TNPO2: variants seen among roughly 807,000 people sequenced by gnomAD.
TNPO2 encodes the protein transportin 2, also known as transportin-2.
A neutral mutation model predicts 111.1 loss-of-function variants in TNPO2; 16 were observed. That is an observed-to-expected ratio of 0.14 (90% CI 0.10 to 0.22). The LOEUF is 0.22. TNPO2 is among the 10% of genes least tolerant of loss of function. The probability of loss-of-function intolerance (pLI) is 1.00; values close to 1 mark genes in which losing one functional copy is unlikely to be tolerated. For missense variants in TNPO2, 530 were observed against 1,173.7 expected, an observed-to-expected ratio of 0.45 and a Z score of 8.01; for synonymous variants, 481 against 475.8, an observed-to-expected ratio of 1.01 and a Z score of -0.14.
At chr19:12,722,765 T>C (rs768446744) in intron 2 of TNPO2, among the ~76,000 whole-genome samples, 3 of 152,084 alleles carry the variant, frequency 2.0e-5, no homozygotes, top group Admixed American at 2.0e-4. Flanking sequence ...TTGCCGTTTC[T>C]TTGGCCTCTC....
intron 10 of TNPO2, among the ~76,000 whole-genome samples, chr19:12,714,426 C>T (rs2026249734): frequency 6.6e-6 from 1 of 151,726 alleles, no homozygotes; most frequent in South Asian, 2.1e-4. Context: ...AATTCTCCTG[C>T]CTCACCCTCC....
chr19:12,706,731 C>T lies in TNPO2; in HGVS notation c.1335G>A (p.Ser445=), dbSNP rs368243017. 41 of 1,613,424 alleles carry T rather than the reference C, an allele frequency of 2.5e-5. No homozygotes were observed. Among genetic ancestry groups the T allele is most frequent in the East Asian group, 4.5e-5 (2 of 44,882 alleles). Residue 445 remains serine (S), a synonymous_variant, in exon 14 of 26, where the codon TCG becomes TCA. Coordinates refer to ENST00000425528, the MANE Select transcript of TNPO2 (RefSeq NM_001382241.1). This position sits in a 1 kb window ranked among gnomAD's most constrained non-coding sequence, Gnocchi z 7.0. ...ELIPHLIQCL[S]DKKALVRSIA... is the part of the protein sequence containing the mutation. ...TGGAGCGGACCAAGGCCTTCTTATC[C>T]GACAGGCACTGGATCAGGTGCGGGA...
rs1455785306 is a variant in TNPO2, at chr19:12,705,199, C to A, written c.2022+41G>T. On this transcript the variant is annotated intron_variant, in intron 18 of 25. Transcript: ENST00000425528. This position sits in a 1 kb window ranked among gnomAD's most constrained non-coding sequence, Gnocchi z 7.2. ...GACTCCCCACCAGGGGCAGCCCACG[C>A]AGGCTGCTGGGTGTCATCACTGTCC... 3.2e-6 allele frequency: 5 copies of A among 1,567,806 alleles called. No individual in the cohort carries two copies. The highest frequency in any genetic ancestry group is 4.3e-6 in the Non-Finnish European group (5 of 1,154,406).
chr19:12,718,986 G>A (rs757034688), intron 5 of TNPO2, 43 bp downstream of exon 5: 1 of 1,608,680 alleles, frequency 6.2e-7, no homozygotes, highest in South Asian at 1.1e-5. Flanking sequence ...AGAAGTGAGA[G>A]TTCAGTGTGT....
In TNPO2 at chr19:12,706,782, G is replaced by T; in HGVS notation, c.1284C>A (p.Gly428=). Reference sequence around the variant, plus strand: ...TCAGCTCAGGCAGGTAGGGCACCATGCCCTGCATGCAGCCTACAAGGAAAG... The same window carrying T: ...TCAGCTCAGGCAGGTAGGGCACCATTCCCTGCATGCAGCCTACAAGGAAAG... The part of the protein sequence containing the change: ...LGAIAEGCMQ[G]MVPYLPELIP... The change falls in exon 14 of 26, where the codon GGC becomes GGA. Residue 428 remains glycine (G), a synonymous_variant. Transcript: ENST00000425528. This position sits in a 1 kb window ranked among gnomAD's most constrained non-coding sequence, Gnocchi z 7.0. The T allele has an allele frequency of 6.2e-7, 1 of 1,608,016 alleles. No individual in the cohort carries two copies. Among genetic ancestry groups the T allele is most frequent in the Non-Finnish European group, 8.5e-7 (1 of 1,177,328 alleles).
rs1439389001 is a variant in TNPO2, at chr19:12,706,039, C to G, written c.1668+157G>C. On this transcript the variant is annotated intron_variant, in intron 15 of 25. Transcript: ENST00000425528. The surrounding 1 kb of genome is among the most constrained non-coding windows in gnomAD (Gnocchi z 7.0). The stretch of plus-strand genomic sequence containing the variant: ...CTGTCTCATAACTGTCTTTCTCCCC[C>G]ACTAGACTGGGAGCAGGGCGAGGGC... 6.1e-6 allele frequency: 5 copies of G among 823,526 alleles called. No homozygotes were observed. The Admixed American group carries it at 1.1e-4, about 18-fold the overall frequency. The allele number at this position is 823,526 out of a possible 1,614,324, so 51.0% of individuals were successfully genotyped here.
At chr19:12,711,056 G>C (rs1447844476) in intron 12 of TNPO2, among the ~76,000 whole-genome samples, 1 of 152,084 alleles carries the variant, frequency 6.6e-6, no homozygotes, top group Non-Finnish European at 1.5e-5. Flanking sequence ...CACCACGCCC[G>C]ACTAATTTTT....
In TNPO2 at chr19:12,703,733, G is replaced by T; in HGVS notation, c.2091C>A (p.Ile697=). The part of the protein sequence containing the change: ...LLGDLTKACF[I]HVKPCIAEFM... ...TCGTACCGATACAGGGCTTGACATG[G>T]ATGAAGCAGGCTTTGGTGAGGTCTC... Residue 697 remains isoleucine, a synonymous_variant, in exon 19 of 26, where the codon ATC becomes ATA. Coordinates refer to ENST00000425528, the MANE Select transcript of TNPO2 (RefSeq NM_001382241.1). 2 of 1,608,486 alleles carry T rather than the reference G, an allele frequency of 1.2e-6. No homozygotes were observed. The highest frequency in any genetic ancestry group is 1.7e-6 in the Non-Finnish European group (2 of 1,177,452).
chr19:12,713,985 T>A (rs1048745673), intron 10 of TNPO2, among the ~76,000 whole-genome samples: 7 of 152,108 alleles, frequency 4.6e-5, no homozygotes, highest in African/African-American at 1.7e-4. Flanking sequence ...GCCATGATTT[T>A]GACACTCCAC....
At chr19:12,714,718 A>G (rs1337305932) in intron 10 of TNPO2, 103 bp downstream of exon 10, 19 of 893,966 alleles carry the variant, frequency 2.1e-5, no homozygotes, top group Non-Finnish European at 3.5e-5. Flanking sequence ...TAAACTGACA[A>G]GGATGTGGAC....
chr19:12,721,802 C>G lies in TNPO2; in HGVS notation c.-13-812G>C, dbSNP rs1401990293. ...GCCTCTCCCTGAAATTCCCTCCGACCCTGTCAGCAGTAACCCCTGCTGACG... is the reference window on the plus strand; with the variant it reads ...GCCTCTCCCTGAAATTCCCTCCGACGCTGTCAGCAGTAACCCCTGCTGACG... On this transcript the variant is annotated intron_variant, in intron 2 of 25. Coordinates refer to ENST00000425528, the MANE Select transcript of TNPO2 (RefSeq NM_001382241.1). The surrounding 1 kb of genome is among the most constrained non-coding windows in gnomAD (Gnocchi z 4.9). 1 of 154,974 alleles carries G rather than the reference C, an allele frequency of 6.5e-6. No homozygotes were observed. Among genetic ancestry groups the G allele is most frequent in the Non-Finnish European group, 1.4e-5 (1 of 69,658 alleles). 9.6% of individuals were successfully genotyped at this position (154,974 alleles called of 1,614,324 possible). A position where few individuals can be genotyped will look rare whatever the true frequency, so the allele number is the denominator to read the frequency against.
In TNPO2 at chr19:12,715,177, GA is replaced by G; in HGVS notation, c.649-9del. The G allele has an allele frequency of 6.2e-7, 1 of 1,612,414 alleles. No individual in the cohort carries two copies. ...AGCCAGGGCAAATAGGTGCTGCAGG[GA>G]GGAACAGGGTCAGTTGTAGGGGCCC... On this transcript the variant is annotated splice_polypyrimidine_tract_variant and intron_variant, in intron 8 of 25. Coordinates refer to ENST00000425528, the MANE Select transcript of TNPO2 (RefSeq NM_001382241.1). This position sits in a 1 kb window ranked among gnomAD's most constrained non-coding sequence, Gnocchi z 7.1.
chr19:12,722,549 AAG>A (rs1237463468), intron 2 of TNPO2: 1 of 147,252 alleles, frequency 6.8e-6, no homozygotes, highest in Non-Finnish European at 1.5e-5. Flanking sequence ...GAGGGAGCCA[AAG>A]AGAGAGAATT....
chr19:12,704,076 A>G (rs1482536142), intron 18 of TNPO2, among the ~76,000 whole-genome samples: 1 of 152,184 alleles, frequency 6.6e-6, no homozygotes, highest in Non-Finnish European at 1.5e-5. Flanking sequence ...AAAGTGGCAC[A>G]GTGTTAGGGC....
At position 12,703,531 on chromosome 19, in the gene TNPO2, T is replaced by A. The variant is rs781773405; in HGVS notation, c.2111-5A>T. Reference sequence around the variant, plus strand: ...CCAGAATGGGCATGAACTCGGCTGGTGGGGAGAAACAGGGGTGCTGAGAAG... The same window carrying A: ...CCAGAATGGGCATGAACTCGGCTGGAGGGGAGAAACAGGGGTGCTGAGAAG... On this transcript the variant is annotated splice_polypyrimidine_tract_variant and splice_region_variant and intron_variant, in intron 19 of 25. Transcript: ENST00000425528. 6.2e-7 allele frequency: 1 copy of A among 1,613,690 alleles called. No individual in the cohort carries two copies. The highest frequency in any genetic ancestry group is 1.1e-5 in the South Asian group (1 of 91,062).
At chr19:12,712,323 C>T (rs943202794) in intron 10 of TNPO2, among the ~76,000 whole-genome samples, 2 of 152,178 alleles carry the variant, frequency 1.3e-5, no homozygotes, top group African/African-American at 2.4e-5. Flanking sequence ...CTTAGCAGAC[C>T]AGGAAAGTGG....
At position 12,715,078 on chromosome 19, in the gene TNPO2, C is replaced by G; in HGVS notation, c.740G>C (p.Arg247Thr). 1 of 1,576,366 alleles carries G rather than the reference C, an allele frequency of 6.3e-7. No individual in the cohort carries two copies. Among genetic ancestry groups the G allele is most frequent in the Non-Finnish European group, 8.6e-7 (1 of 1,159,104 alleles). ...LVMLLEVRIDRLIPHMHSIIQ... is the reference protein window; with the variant it reads ...LVMLLEVRIDTLIPHMHSIIQ... ...GATGCTGTGCATGTGGGGGATGAGC[C>G]TGTCAATCCGCACTTCCAGAAGCAT... Residue 247 changes from arginine (R) to threonine (T), a missense_variant, in exon 9 of 26, where the codon AGG becomes ACG. Coordinates refer to ENST00000425528, the MANE Select transcript of TNPO2 (RefSeq NM_001382241.1). This position sits in a 1 kb window ranked among gnomAD's most constrained non-coding sequence, Gnocchi z 7.1.
intron 20 of TNPO2, 149 bp from the exon 21 acceptor site, chr19:12,703,067 A>T (rs2025416292): frequency 1.4e-6 from 1 of 691,576 alleles, no homozygotes; most frequent in African/African-American, 1.8e-5. Flanking sequence ...TCTCCGGCTA[A>T]TCCCCACCCA....
chr19:12,706,854 A>G lies in TNPO2; in HGVS notation c.1271-59T>C. 7.1e-7 allele frequency: 1 copy of G among 1,413,150 alleles called. No homozygotes were observed. Among genetic ancestry groups the G allele is most frequent in the Non-Finnish European group, 9.8e-7 (1 of 1,022,168 alleles). The allele number at this position is 1,413,150 out of a possible 1,614,324, so 87.5% of individuals were successfully genotyped here. On this transcript the variant is annotated intron_variant, in intron 13 of 25. Transcript: ENST00000425528. This position sits in a 1 kb window ranked among gnomAD's most constrained non-coding sequence, Gnocchi z 7.0. Reference sequence around the variant, plus strand: ...GATTGGGCCCAGCCACACCCACCGTATGGAGAGAAGAGTCAGCCGCACACA... The same window carrying G: ...GATTGGGCCCAGCCACACCCACCGTGTGGAGAGAAGAGTCAGCCGCACACA...
Sources: gnomAD v4.1 joint callset for allele counts (sites outside exome capture counted in the v4.1 genomes callset) on GRCh38, gnomAD v4.1.1 for gene constraint, Gnocchi (gnomAD v3.1) non-coding constraint, MANE v1.5 for transcripts, NCBI Gene and HGNC (gene_info 2026-07-23, HGNC 2026-07-21) for gene names.